Variants in MN1 observed in about 807,000 individuals in gnomAD.
MN1 encodes the protein transcriptional activator MN1.
Under a neutral mutation model 86.9 loss-of-function variants are expected in MN1, and 19 were observed. The ratio of observed to expected loss-of-function variants is 0.22; its 90% CI spans 0.15 to 0.32. The LOEUF (loss-of-function observed/expected upper bound fraction) is 0.32, where lower values mean the gene tolerates loss of function less well. Ranked by LOEUF, MN1 falls within the 10% of genes least tolerant of loss-of-function variation. MN1 has a pLI of 1.00. For missense variants in MN1, 1,841 were observed against 1,862.0 expected (o/e 0.99, Z 0.21); for synonymous variants, 928 against 849.6 (o/e 1.09, Z -1.60).
At chr22:27,772,683 C>T (rs565005395) in intron 1 of MN1, among the ~76,000 whole-genome samples, 61 of 152,242 alleles carry the variant, frequency 4.0e-4, no homozygotes, top group African/African-American at 6.5e-4. Context: ...TGATCTCTCA[C>T]GCAGCTGCGC....
chr22:27,789,279 C>T (rs375454891), intron 1 of MN1, among the ~76,000 whole-genome samples: 12 of 152,206 alleles, frequency 7.9e-5, no homozygotes, highest in African/African-American at 2.7e-4. Flanking sequence ...GTCCCAAATA[C>T]GCCTCCGCCA....
intron 1 of MN1, among the ~76,000 whole-genome samples, chr22:27,774,905 C>T (rs889993582): frequency 3.9e-5 from 6 of 152,190 alleles, no homozygotes; most frequent in African/African-American, 1.4e-4. Flanking sequence ...ATACCCCCTC[C>T]TGAGCCCCCC....
chr22:27,777,559 A>G (rs527431189), intron 1 of MN1, among the ~76,000 whole-genome samples: 1,200 of 118,656 alleles, frequency 0.01, 8 homozygotes, highest in Middle Eastern at 0.03. Context: ...GAGAGAGAGA[A>G]AAAAAAAATA....
At chr22:27,763,275 C>T (rs1932846517) in intron 1 of MN1, among the ~76,000 whole-genome samples, 1 of 152,280 alleles carries the variant, frequency 6.6e-6, no homozygotes, top group Non-Finnish European at 1.5e-5. Context: ...CCTGCCTCAT[C>T]CCCCCCATCC....
At chr22:27,759,879 T>C (rs1425741396) in intron 1 of MN1, among the ~76,000 whole-genome samples, 1 of 152,198 alleles carries the variant, frequency 6.6e-6, no homozygotes, top group Admixed American at 6.5e-5. Flanking sequence ...TGGGTAGATA[T>C]ACAACCCTCC....
At chr22:27,757,786 A>C (rs1256108723) in intron 1 of MN1, among the ~76,000 whole-genome samples, 2 of 151,818 alleles carry the variant, frequency 1.3e-5, no homozygotes, top group African/African-American at 4.8e-5. Context: ...TAGGCCCCCC[A>C]CACACTTATC....
chr22:27,799,045 G>T lies in MN1; in HGVS notation c.1499C>A (p.Pro500Gln). Reference sequence around the variant, plus strand: ...CGAAGGGAAGCTGTCGGGCACAGGCGGTGTGAACTCGCCGGGTAGGCCTGG... The same window carrying T: ...CGAAGGGAAGCTGTCGGGCACAGGCTGTGTGAACTCGCCGGGTAGGCCTGG... ...AYPGLPGEFT[P>Q]PVPDSFPSGP... is the part of the protein sequence containing the mutation. The change falls in exon 1 of 2, where the codon CCG (proline) becomes CAG (glutamine). Residue 500 changes from proline to glutamine, a missense_variant. Coordinates refer to ENST00000302326, the MANE Select transcript of MN1 (RefSeq NM_002430.3). 2 of 1,611,548 alleles carry T rather than the reference G, an allele frequency of 1.2e-6. No homozygotes were observed. The highest frequency in any genetic ancestry group is 1.7e-6 in the Non-Finnish European group (2 of 1,178,930).
chr22:27,753,919 G>C lies in MN1; in HGVS notation c.3782-2823C>G, dbSNP rs549380717. Among the ~76,000 whole-genome samples the C allele has an allele frequency of 3.3e-5, 5 of 152,236 alleles. No homozygotes were observed. In the East Asian group the frequency reaches 9.7e-4, roughly 29 times the overall value. On this transcript the variant is annotated intron_variant, in intron 1 of 1. Transcript: ENST00000302326. ...CAAGCACTGCAAGATCTGGACTGGGGTGGGGTGAGGGAAGTAGTACCTGCC... is the reference window on the plus strand; with the variant it reads ...CAAGCACTGCAAGATCTGGACTGGGCTGGGGTGAGGGAAGTAGTACCTGCC...
chr22:27,800,536 C>G lies in MN1; in HGVS notation c.8G>C (p.Gly3Ala), dbSNP rs750826390. The change falls in exon 1 of 2, where the codon GGG becomes GCG. Residue 3 changes from glycine to alanine, a missense_variant. Gly to Ala is a moderately conservative substitution (Grantham distance 60). Transcript: ENST00000302326. Reference protein sequence around the residue: MFGLDQFEPQVNS... With the variant: MFALDQFEPQVNS... ...GACCTGGGGCTCGAATTGGTCCAGCCCAAACATACTTGGCGGGGGGCAGAG... is the reference window on the plus strand; with the variant it reads ...GACCTGGGGCTCGAATTGGTCCAGCGCAAACATACTTGGCGGGGGGCAGAG... The G allele has an allele frequency of 1.9e-6, 3 of 1,614,144 alleles. No homozygotes were observed. Among genetic ancestry groups the G allele is most frequent in the Non-Finnish European group, 2.5e-6 (3 of 1,180,032 alleles).
chr22:27,748,953 G>T lies in MN1; in HGVS notation c.*1962C>A, dbSNP rs1453832291. The stretch of plus-strand genomic sequence containing the variant: ...GGTCATGGAGTCTTGCCCAGAATAC[G>T]GTCAACTCTCCCACAGCCCATGGTG... On this transcript the variant is annotated 3_prime_UTR_variant, in exon 2 of 2. Coordinates refer to ENST00000302326, the MANE Select transcript of MN1 (RefSeq NM_002430.3). 8.7e-6 allele frequency: 2 copies of T among 230,776 alleles called. No homozygotes were observed. Among genetic ancestry groups the T allele is most frequent in the South Asian group, 3.6e-4 (2 of 5,498 alleles). 14.3% of individuals were successfully genotyped at this position (230,776 alleles called of 1,614,324 possible).
chr22:27,787,985 C>T (rs989364304), intron 1 of MN1, among the ~76,000 whole-genome samples: 4 of 152,244 alleles, frequency 2.6e-5, no homozygotes, highest in African/African-American at 9.6e-5. Context: ...AGCCCCGAGC[C>T]CCACAGGGAA....
chr22:27,766,131 C>T (rs1932868075), intron 1 of MN1, among the ~76,000 whole-genome samples: 1 of 152,198 alleles, frequency 6.6e-6, no homozygotes, highest in South Asian at 2.1e-4. Context: ...TCAGGTGCAG[C>T]ACTTGCCTTC....
chr22:27,793,731 C>A (rs1018252857), intron 1 of MN1, among the ~76,000 whole-genome samples: 10 of 152,138 alleles, frequency 6.6e-5, no homozygotes, highest in African/African-American at 2.4e-4. Context: ...AGTCAAGTTC[C>A]CTCCCCTCCA....
chr22:27,800,555 G>C lies in MN1; in HGVS notation c.-12C>G, dbSNP rs45525936. Reference sequence around the variant, plus strand: ...TCCAGCCCAAACATACTTGGCGGGGGGCAGAGGGGGATCAATAGGGCATGA... The same window carrying C: ...TCCAGCCCAAACATACTTGGCGGGGCGCAGAGGGGGATCAATAGGGCATGA... On this transcript the variant is annotated 5_prime_UTR_variant, in exon 1 of 2. Coordinates refer to ENST00000302326, the MANE Select transcript of MN1 (RefSeq NM_002430.3). 1.2e-5 allele frequency: 20 copies of C among 1,613,862 alleles called. No individual in the cohort carries two copies. Among genetic ancestry groups the C allele is most frequent in the Non-Finnish European group, 1.7e-5 (20 of 1,180,018 alleles).
intron 1 of MN1, among the ~76,000 whole-genome samples, chr22:27,756,202 C>T (rs990772581): frequency 2.0e-5 from 3 of 152,210 alleles, no homozygotes; most frequent in Admixed American, 2.0e-4. Flanking sequence ...GGGACGTTTA[C>T]CTGGGGATGT....
chr22:27,797,955 G>C lies in MN1; in HGVS notation c.2589C>G (p.Asn863Lys), dbSNP rs1933333176. Residue 863 changes from asparagine to lysine, a missense_variant, in exon 1 of 2, where the codon AAC (asparagine) becomes AAG (lysine). Transcript: ENST00000302326. The stretch of plus-strand genomic sequence containing the variant: ...CGGCCACTGCCGCGCCGTCGGTCTC[G>C]TTCTGGCTCAGTTTCCTCTTGCCCT... The part of the protein sequence containing the change: ...PPEGKRKLSQ[N>K]ETDGAAVAGN... The C allele has an allele frequency of 1.3e-6, 2 of 1,594,986 alleles. No individual in the cohort carries two copies. Among genetic ancestry groups the C allele is most frequent in the Admixed American group, 3.5e-5 (2 of 57,510 alleles).
intron 1 of MN1, among the ~76,000 whole-genome samples, chr22:27,768,387 C>A (rs140960803): frequency 2.9e-4 from 44 of 152,316 alleles, no homozygotes; most frequent in African/African-American, 1.0e-3. Flanking sequence ...CCCTCCTATG[C>A]AGAGCTCACC....
Position 27,799,769 on chromosome 22 carries a change from A to G in MN1, c.775T>C (p.Tyr259His), listed in dbSNP as rs2146318186. The G allele has an allele frequency of 6.3e-7, 1 of 1,594,562 alleles. No homozygotes were observed. Among genetic ancestry groups the G allele is most frequent in the East Asian group, 2.3e-5 (1 of 44,026 alleles). The part of the protein sequence containing the change: ...PSDSEGQLPH[Y>H]AAGRQVPGGA... ...CCAGGAACCTGGCGACCCGCTGCATAATGAGGCAGCTGCCCTTCGGAGTCA... is the reference window on the plus strand; with the variant it reads ...CCAGGAACCTGGCGACCCGCTGCATGATGAGGCAGCTGCCCTTCGGAGTCA... Residue 259 changes from tyrosine (Y) to histidine (H), a missense_variant, in exon 1 of 2, where the codon TAT becomes CAT. Tyr to His is a moderately conservative substitution (Grantham distance 83). Coordinates refer to ENST00000302326, the MANE Select transcript of MN1 (RefSeq NM_002430.3).
intron 1 of MN1, among the ~76,000 whole-genome samples, chr22:27,774,339 A>C (rs1932949332): frequency 6.6e-6 from 1 of 152,184 alleles, no homozygotes; most frequent in African/African-American, 2.4e-5. Flanking sequence ...CTCGCCCTGA[A>C]GACTTGAGGT....
Sources: gnomAD v4.1 joint callset for allele counts (sites outside exome capture counted in the v4.1 genomes callset) on GRCh38, gnomAD v4.1.1 for gene constraint, MANE v1.5 for transcripts, NCBI Gene and HGNC (gene_info 2026-07-23, HGNC 2026-07-21) for gene names.